SUSD1: variants seen among roughly 807,000 people sequenced by gnomAD.
SUSD1 encodes sushi domain-containing protein 1.
SUSD1 carries 65 observed loss-of-function variants against 86.9 expected under a neutral mutation model. The ratio of observed to expected loss-of-function variants is 0.75; its 90% CI spans 0.61 to 0.92. The LOEUF is 0.92. Ranked by LOEUF, SUSD1 falls within the 40% of genes least tolerant of loss-of-function variation. SUSD1 has a pLI of 0.00. For synonymous variants in SUSD1, 346 were observed against 350.0 expected (o/e 0.99, Z 0.13); for missense variants, 850 against 929.7 (o/e 0.91, Z 1.11).
At chr9:112,158,280 A>T (rs549362060) in intron 1 of SUSD1, among the ~76,000 whole-genome samples, 6 of 151,784 alleles carry the variant, frequency 4.0e-5, no homozygotes, top group Admixed American at 3.3e-4. Flanking sequence ...CAATCACAAT[A>T]CTCTCTATAT....
intron 1 of SUSD1, among the ~76,000 whole-genome samples, chr9:112,172,202 A>T (rs1180524119): frequency 6.6e-6 from 1 of 151,952 alleles, no homozygotes; most frequent in Non-Finnish European, 1.5e-5. Flanking sequence ...GTCTCAAAAA[A>T]AAAAAAAAAG....
rs2131644900 is a variant in SUSD1, at chr9:112,111,780, A to T, written c.1045T>A (p.Leu349Met). 2 of 1,614,146 alleles carry T rather than the reference A, an allele frequency of 1.2e-6. No individual in the cohort carries two copies. Among genetic ancestry groups the T allele is most frequent in the Non-Finnish European group, 1.7e-6 (2 of 1,180,004 alleles). Residue 349 changes from leucine (L) to methionine (M), a missense_variant, in exon 8 of 17, where the codon TTG becomes ATG. Physicochemically the swap from Leu to Met is conservative, Grantham distance 15. Transcript: ENST00000374270. ...MESVREETVN[L>M]TTDSRTPEVC... ...TCTGGGGTCCTGCTGTCTGTGGTCA[A>T]GTTGACTGTCTCCTCACGAACTGAT...
chr9:112,153,086 T>C (rs915588032), intron 2 of SUSD1, among the ~76,000 whole-genome samples: 1 of 151,732 alleles, frequency 6.6e-6, no homozygotes, highest in African/African-American at 2.4e-5. Flanking sequence ...GGCAACATAA[T>C]GAGACCTTGT....
chr9:112,143,964 G>GC lies in SUSD1; in HGVS notation c.374-342dup, dbSNP rs573733280. 6.8e-4 allele frequency among the ~76,000 whole-genome samples: 104 copies of GC among 152,232 alleles called. 1 individual carries two copies. In the East Asian group the frequency reaches 0.019, roughly 28 times the overall value. On this transcript the variant is annotated intron_variant, in intron 3 of 16. Coordinates refer to ENST00000374270, the MANE Select transcript of SUSD1 (RefSeq NM_022486.5). Reference sequence around the variant, plus strand: ...AATCACTAAAAAATATCCTGACCGGGCATGGTGGCTCACACCTGTAATCCC... The same window carrying GC: ...AATCACTAAAAAATATCCTGACCGGGCCATGGTGGCTCACACCTGTAATCCC...
intron 12 of SUSD1, among the ~76,000 whole-genome samples, chr9:112,065,316 A>G (rs1828928947): frequency 6.6e-6 from 1 of 152,152 alleles, no homozygotes; most frequent in Non-Finnish European, 1.5e-5. Context: ...TGAGGTCAGG[A>G]GTTTGAGACT....
rs1159206106 is a variant in SUSD1, at chr9:112,041,094, G to A, written c.*398C>T. 2.7e-5 allele frequency: 8 copies of A among 301,712 alleles called. No individual in the cohort carries two copies. Among genetic ancestry groups the A allele is most frequent in the South Asian group, 1.0e-4 (1 of 9,958 alleles). The allele number at this position is 301,712 out of a possible 1,614,324, so 18.7% of individuals were successfully genotyped here. A position where few individuals can be genotyped will look rare whatever the true frequency, so the allele number is the denominator to read the frequency against. ...GGATTCTGAATGAATTAACAGAAAT[G>A]CTTTTATATAGGAGGTTGCAGAGAT... On this transcript the variant is annotated 3_prime_UTR_variant, in exon 17 of 17. Transcript: ENST00000374270.
chr9:112,114,652 C>G (rs1373780018), intron 6 of SUSD1, among the ~76,000 whole-genome samples: 1 of 152,188 alleles, frequency 6.6e-6, no homozygotes, highest in African/African-American at 2.4e-5. Flanking sequence ...CCTCTCTCAG[C>G]TTCCCCTGCT....
intron 10 of SUSD1, among the ~76,000 whole-genome samples, chr9:112,081,201 A>G (rs1829753163): frequency 6.6e-6 from 1 of 152,244 alleles, no homozygotes; most frequent in East Asian, 1.9e-4. Context: ...GAACACTGTG[A>G]TGATTAACGA....
chr9:112,058,360 G>A, intron 14 of SUSD1, 68 bp downstream of exon 14: 1 of 1,543,440 alleles, frequency 6.5e-7, no homozygotes, highest in Non-Finnish European at 8.7e-7. Context: ...GAAAATAAAT[G>A]TTCAAACATT....
intron 2 of SUSD1, among the ~76,000 whole-genome samples, chr9:112,157,089 G>A (rs1025739171): frequency 6.6e-6 from 1 of 152,150 alleles, no homozygotes; most frequent in African/African-American, 2.4e-5. Context: ...CAAAGCAACA[G>A]TATTTTACCA....
At chr9:112,110,858 C>T (rs1290517328) in intron 8 of SUSD1, among the ~76,000 whole-genome samples, 1 of 152,088 alleles carries the variant, frequency 6.6e-6, no homozygotes, top group Non-Finnish European at 1.5e-5. Flanking sequence ...TCAGCTAACA[C>T]CTACCCTCCT....
At chr9:112,087,573 A>C (rs1254344990) in intron 10 of SUSD1, among the ~76,000 whole-genome samples, 1 of 152,200 alleles carries the variant, frequency 6.6e-6, no homozygotes, top group East Asian at 1.9e-4. Flanking sequence ...ATGAAAATAC[A>C]AAATCACATT....
intron 1 of SUSD1, among the ~76,000 whole-genome samples, chr9:112,165,934 GA>G (rs1221664635): frequency 7.9e-5 from 8 of 101,638 alleles, no homozygotes; most frequent in East Asian, 7.8e-4. Flanking sequence ...AAGAAAGAAA[GA>G]AAGAAAGAAG....
chr9:112,052,939 C>G (rs958899730), intron 14 of SUSD1, among the ~76,000 whole-genome samples: 46 of 152,104 alleles, frequency 3.0e-4, no homozygotes, highest in African/African-American at 1.1e-3. Flanking sequence ...GGGAAGAAAG[C>G]AACAGGAACA....
chr9:112,054,708 CCTAAATATAAGACCTCAAATTATAAAACT>C (rs1828371661), intron 14 of SUSD1, among the ~76,000 whole-genome samples: 1 of 151,846 alleles, frequency 6.6e-6, no homozygotes, highest in African/African-American at 2.4e-5. Context: ...GGATCAAAAA[CCTAAATATAAGACCTCAAATTATAAAACT>C]CTTAGAAGAC....
rs761847854 is a variant in SUSD1 at position 112,143,579 on chromosome 9, G to A, written c.418C>T (p.Arg140Ter). The change falls in exon 4 of 17, where the codon CGA becomes TGA. Residue 140 changes from arginine to a stop codon, truncating the protein, a stop_gained. Coordinates refer to ENST00000374270, the MANE Select transcript of SUSD1 (RefSeq NM_022486.5). LOFTEE classifies it high-confidence loss of function. ...EVSGLCRHGG[R>*]CVNTHGSFEC... is the part of the protein sequence containing the mutation. ...AAGCTCCCATGAGTGTTCACGCATC[G>A]CCCTCCATGCCTGCACAGGCCAGAA... The A allele has an allele frequency of 8.1e-6, 13 of 1,613,494 alleles. No homozygotes were observed. Among genetic ancestry groups the A allele is most frequent in the Admixed American group, 6.7e-5 (4 of 59,944 alleles).
At chr9:112,170,152 G>T (rs1432371505) in intron 1 of SUSD1, among the ~76,000 whole-genome samples, 1 of 152,134 alleles carries the variant, frequency 6.6e-6, no homozygotes, top group Non-Finnish European at 1.5e-5. Flanking sequence ...GACAAGCCAT[G>T]GTGGGCATCT....
intron 15 of SUSD1, among the ~76,000 whole-genome samples, chr9:112,042,722 T>G (rs1305326465): frequency 6.6e-6 from 1 of 152,194 alleles, no homozygotes; most frequent in Non-Finnish European, 1.5e-5. Flanking sequence ...TCACAAATAT[T>G]CACTCATTTA....
chr9:112,133,151 TGTA>T (rs1832102080), intron 5 of SUSD1, among the ~76,000 whole-genome samples: 1 of 152,164 alleles, frequency 6.6e-6, no homozygotes, highest in Non-Finnish European at 1.5e-5. Context: ...TAGCCAGGCA[TGTA>T]GTCCCAGCTA....
Sources: allele counts gnomAD v4.1 joint callset (sites outside exome capture counted in the v4.1 genomes callset), GRCh38; gene constraint gnomAD v4.1.1; transcripts MANE v1.5; gene names NCBI Gene and HGNC (gene_info 2026-07-23, HGNC 2026-07-21).